Variants in SCAPER observed in about 807,000 individuals in gnomAD.
The protein encoded by SCAPER is S-phase cyclin A associated protein in the ER.
Under a neutral mutation model 182.2 loss-of-function variants are expected in SCAPER, and 98 were observed. The ratio of observed to expected loss-of-function variants is 0.54; its 90% CI spans 0.46 to 0.64. The LOEUF (loss-of-function observed/expected upper bound fraction) is 0.64. Ranked by LOEUF, SCAPER falls within the 30% of genes least tolerant of loss-of-function variation. SCAPER has a pLI of 0.00. For missense variants in SCAPER, 1,432 were observed against 1,690.0 expected (o/e 0.85, Z 2.68); for synonymous variants, 605 against 564.6 (o/e 1.07, Z -1.01).
chr15:76,806,631 T>C (rs894753249), intron 5 of SCAPER, among the ~76,000 whole-genome samples: 1 of 152,216 alleles, frequency 6.6e-6, no homozygotes, highest in Admixed American at 6.5e-5. Context: ...GGGTATCACT[T>C]TGGGAAATAC....
chr15:76,864,273 T>C (rs570541370), intron 2 of SCAPER, among the ~76,000 whole-genome samples: 2 of 152,312 alleles, frequency 1.3e-5, no homozygotes, highest in South Asian at 2.1e-4. Context: ...CAACATAAGA[T>C]CCCCAGTTTT....
intron 5 of SCAPER, among the ~76,000 whole-genome samples, chr15:76,829,194 A>T (rs1476797002): frequency 6.6e-6 from 1 of 152,238 alleles, no homozygotes; most frequent in East Asian, 1.9e-4. Context: ...TAAGTGAAGT[A>T]ACTCAAGAAT....
intron 20 of SCAPER, among the ~76,000 whole-genome samples, chr15:76,694,868 C>T (rs1015070769): frequency 1.3e-5 from 2 of 151,916 alleles, no homozygotes; most frequent in African/African-American, 4.8e-5. Flanking sequence ...ATTAATGTAA[C>T]ATATCACATG....
At chr15:76,735,694 T>A (rs2061216723) in intron 15 of SCAPER, among the ~76,000 whole-genome samples, 1 of 94,416 alleles carries the variant, frequency 1.1e-5, no homozygotes, top group Admixed American at 1.4e-4. Flanking sequence ...AGAGACTCCG[T>A]CTCAAAAAAA....
In SCAPER at chr15:76,669,941, CTT is replaced by C. The variant is rs1390699898; in HGVS notation, c.2509-4154_2509-4153del. Among the ~76,000 whole-genome samples, 7 of 152,146 alleles carry C rather than the reference CTT, an allele frequency of 4.6e-5. No homozygotes were observed. The East Asian group carries it at 1.2e-3, about 25-fold the overall frequency. ...TATCTAACAGAAACCACTCAGGAAACTTATACACAAATGCAGTCACTAAACAA... is the reference window on the plus strand; with the variant it reads ...TATCTAACAGAAACCACTCAGGAAACATACACAAATGCAGTCACTAAACAA... On this transcript the variant is annotated intron_variant, in intron 20 of 31. Transcript: ENST00000563290.
intron 5 of SCAPER, among the ~76,000 whole-genome samples, chr15:76,839,020 G>C (rs531977782): frequency 1.3e-5 from 2 of 152,354 alleles, no homozygotes; most frequent in South Asian, 2.1e-4. Flanking sequence ...GTGATGCTTA[G>C]AGTTTTGCTG....
intron 5 of SCAPER, among the ~76,000 whole-genome samples, chr15:76,826,608 C>CAAAA (rs2068044361): frequency 6.6e-6 from 1 of 151,248 alleles, no homozygotes; most frequent in African/African-American, 2.4e-5. Context: ...ATAAAAAGTG[C>CAAAA]AAATAACCCA....
At chr15:76,397,282 T>C (rs1427450990) in intron 27 of SCAPER, among the ~76,000 whole-genome samples, 1 of 152,104 alleles carries the variant, frequency 6.6e-6, no homozygotes, top group African/African-American at 2.4e-5. Context: ...TCTTTAGTTT[T>C]CTTTTTTCCA....
At chr15:76,408,354 C>A (rs554735288) in intron 26 of SCAPER, among the ~76,000 whole-genome samples, 3 of 152,206 alleles carry the variant, frequency 2.0e-5, no homozygotes, top group East Asian at 3.9e-4. Context: ...AGAGGTCTGA[C>A]TGGATACATA....
intron 2 of SCAPER, among the ~76,000 whole-genome samples, chr15:76,881,636 G>A (rs1277744959): frequency 6.6e-6 from 1 of 152,090 alleles, no homozygotes; most frequent in East Asian, 1.9e-4. Context: ...AACACAAAAA[G>A]ACAAATACTG....
rs1196112041 is a variant in SCAPER at position 76,376,329 on chromosome 15, C to A, written c.3706-18G>T. On this transcript the variant is annotated intron_variant, in intron 28 of 31. Transcript: ENST00000563290. ...ACAATAGACTGACAAAGACAAGGAG[C>A]AGTTAGAAGCCCTCAGCCCAGGGAG... 3 of 1,599,454 alleles carry A rather than the reference C, an allele frequency of 1.9e-6. No individual in the cohort carries two copies. The highest frequency in any genetic ancestry group is 2.6e-6 in the Non-Finnish European group (3 of 1,171,834).
rs554804281 is a variant in SCAPER, at chr15:76,868,484, A to C, written c.7-5951T>G. On this transcript the variant is annotated intron_variant, in intron 2 of 31. Transcript: ENST00000563290. ...AAGTTACAGGATACAAAATCAACATACAAAAACCAACAGTGAACAATCCAA... is the reference window on the plus strand; with the variant it reads ...AAGTTACAGGATACAAAATCAACATCCAAAAACCAACAGTGAACAATCCAA... Among the ~76,000 whole-genome samples, 6 of 152,292 alleles carry C rather than the reference A, an allele frequency of 3.9e-5. 1 individual carries two copies. The highest frequency in any genetic ancestry group is 1.4e-4 in the African/African-American group (6 of 41,568).
intron 23 of SCAPER, among the ~76,000 whole-genome samples, chr15:76,560,142 T>TC (rs992457342): frequency 1.3e-5 from 2 of 152,102 alleles, no homozygotes; most frequent in Non-Finnish European, 2.9e-5. Flanking sequence ...AGAAACTTAA[T>TC]CCCCGGTGTG....
chr15:76,577,274 C>T (rs539974640), intron 22 of SCAPER, among the ~76,000 whole-genome samples: 4 of 152,076 alleles, frequency 2.6e-5, no homozygotes, highest in South Asian at 2.1e-4. Context: ...GGTGAAAGCC[C>T]GTCTCTAGCA....
intron 20 of SCAPER, among the ~76,000 whole-genome samples, chr15:76,670,414 T>A (rs1455916128): frequency 6.6e-6 from 1 of 152,166 alleles, no homozygotes; most frequent in Non-Finnish European, 1.5e-5. Context: ...ATACCTATTT[T>A]GAGTAATGCC....
At chr15:76,715,029 C>G (rs2059813844) in intron 17 of SCAPER, among the ~76,000 whole-genome samples, 1 of 152,062 alleles carries the variant, frequency 6.6e-6, no homozygotes, top group South Asian at 2.1e-4. Context: ...GCTGCTATAC[C>G]CTACCACAAA....
chr15:76,653,519 T>C (rs909198071), intron 21 of SCAPER, among the ~76,000 whole-genome samples: 1 of 152,088 alleles, frequency 6.6e-6, no homozygotes, highest in African/African-American at 2.4e-5. Context: ...AACTGACACA[T>C]AGACCAACTG....
At chr15:76,470,611 C>T (rs1027451684) in intron 25 of SCAPER, among the ~76,000 whole-genome samples, 5 of 152,180 alleles carry the variant, frequency 3.3e-5, no homozygotes, top group African/African-American at 1.2e-4. Context: ...CAGGAAACTC[C>T]TGGCGACTGC....
chr15:76,661,686 T>C (rs1324600762), intron 21 of SCAPER, among the ~76,000 whole-genome samples: 1 of 152,054 alleles, frequency 6.6e-6, no homozygotes, highest in African/African-American at 2.4e-5. Flanking sequence ...AAAAAAACAA[T>C]GCTGGGGAGG....
Sources: allele counts gnomAD v4.1 joint callset (sites outside exome capture counted in the v4.1 genomes callset), GRCh38; gene constraint gnomAD v4.1.1; transcripts MANE v1.5; gene names NCBI Gene and HGNC (gene_info 2026-07-23, HGNC 2026-07-21).